The following EFL1 variants were observed in gnomAD, a reference collection of about 807,000 sequenced individuals.
The protein encoded by EFL1 is elongation factor like GTPase 1.
EFL1 carries 76 observed loss-of-function variants against 126.7 expected under a neutral mutation model. That is an observed-to-expected ratio of 0.60 (90% CI 0.50 to 0.73). EFL1 has a LOEUF of 0.73. EFL1 is among the 30% of genes least tolerant of loss of function. The pLI is 0.00. For missense variants in EFL1, 1,128 were observed against 1,343.2 expected (o/e 0.84, Z 2.50); for synonymous variants, 410 against 448.4 (o/e 0.91, Z 1.08).
At chr15:82,218,637 A>G (rs1382084596) in intron 14 of EFL1, among the ~76,000 whole-genome samples, 2 of 152,210 alleles carry the variant, frequency 1.3e-5, no homozygotes, top group Non-Finnish European at 2.9e-5. Flanking sequence ...TAGATGTATA[A>G]AAAATCATAG....
At chr15:82,140,965 TGTTCC>T (rs1269680728) in intron 18 of EFL1, among the ~76,000 whole-genome samples, 4 of 152,216 alleles carry the variant, frequency 2.6e-5, no homozygotes, top group Non-Finnish European at 5.9e-5. Flanking sequence ...GTCCCAAATA[TGTTCC>T]CCTGAAGTTT....
intron 15 of EFL1, among the ~76,000 whole-genome samples, chr15:82,171,531 G>T (rs184448873): frequency 6.6e-6 from 1 of 152,104 alleles, no homozygotes. Flanking sequence ...TTGCATCTGC[G>T]TCATACCATC....
chr15:82,190,944 T>C (rs1183337840), intron 15 of EFL1, among the ~76,000 whole-genome samples: 2 of 152,120 alleles, frequency 1.3e-5, no homozygotes, highest in African/African-American at 4.8e-5. Context: ...CACCAAAATA[T>C]ATATACTGTG....
At chr15:82,239,401 G>A (rs1163939302) in intron 6 of EFL1, among the ~76,000 whole-genome samples, 7 of 152,278 alleles carry the variant, frequency 4.6e-5, no homozygotes, top group South Asian at 4.1e-4. Flanking sequence ...CTCCCAAAGC[G>A]CTGGGATTAC....
chr15:82,185,888 T>A (rs1188857919), intron 15 of EFL1, among the ~76,000 whole-genome samples: 2 of 152,192 alleles, frequency 1.3e-5, no homozygotes, highest in Non-Finnish European at 2.9e-5. Context: ...TCTTAAAATT[T>A]AAAATCTCTA....
intron 4 of EFL1, among the ~76,000 whole-genome samples, chr15:82,246,307 G>T (rs767278960): frequency 4.0e-4 from 61 of 152,054 alleles, no homozygotes; most frequent in Non-Finnish European, 7.6e-4. Context: ...GCTTGGAAGG[G>T]TGTAAGAACC....
At chr15:82,145,337 T>C (rs1461336502) in intron 18 of EFL1, among the ~76,000 whole-genome samples, 5 of 150,790 alleles carry the variant, frequency 3.3e-5, no homozygotes, top group African/African-American at 7.3e-5. Flanking sequence ...CAGGGACACT[T>C]ATAAAGAATG....
At chr15:82,194,309 T>C (rs181093217) in intron 15 of EFL1, among the ~76,000 whole-genome samples, 3 of 152,330 alleles carry the variant, frequency 2.0e-5, no homozygotes, top group Non-Finnish European at 2.9e-5. Context: ...CTTGAGTATT[T>C]TGTGCAAAGC....
At chr15:82,251,049 T>C (rs1957440842) in intron 4 of EFL1, among the ~76,000 whole-genome samples, 2 of 151,938 alleles carry the variant, frequency 1.3e-5, no homozygotes, top group Non-Finnish European at 1.5e-5. Context: ...CCGCCTCTAC[T>C]AAAAATACAA....
chr15:82,251,047 A>G (rs974064284), intron 4 of EFL1, among the ~76,000 whole-genome samples: 7 of 152,056 alleles, frequency 4.6e-5, no homozygotes, highest in Admixed American at 3.3e-4. Context: ...CCCCGCCTCT[A>G]CTAAAAATAC....
intron 17 of EFL1, among the ~76,000 whole-genome samples, chr15:82,155,319 T>C (rs1215409040): frequency 1.3e-5 from 2 of 152,006 alleles, no homozygotes; most frequent in Non-Finnish European, 2.9e-5. Context: ...CTGGCCAAGA[T>C]GGTGAAACAC....
At chr15:82,182,014 C>G (rs1188079767) in intron 15 of EFL1, among the ~76,000 whole-genome samples, 2 of 152,144 alleles carry the variant, frequency 1.3e-5, no homozygotes, top group Non-Finnish European at 2.9e-5. Flanking sequence ...AATCCCAGCA[C>G]TTACGGAGGC....
intron 3 of EFL1, among the ~76,000 whole-genome samples, chr15:82,258,106 C>T (rs1183277784): frequency 6.6e-6 from 1 of 152,198 alleles, no homozygotes; most frequent in Non-Finnish European, 1.5e-5. Context: ...TCCGTCTCCT[C>T]TTCTCTCTAT....
At chr15:82,197,530 G>T (rs1340958979) in intron 15 of EFL1, among the ~76,000 whole-genome samples, 1 of 152,108 alleles carries the variant, frequency 6.6e-6, no homozygotes, top group East Asian at 1.9e-4. Context: ...GGGGGTTCAG[G>T]ATATTAGTGA....
At chr15:82,207,905 G>A (rs2074543274) in intron 15 of EFL1, among the ~76,000 whole-genome samples, 2 of 151,976 alleles carry the variant, frequency 1.3e-5, no homozygotes, top group Admixed American at 1.3e-4. Context: ...ATTTCCAGTA[G>A]AGATGGGGTT....
chr15:82,213,429 A>G (rs1455218369), intron 15 of EFL1, among the ~76,000 whole-genome samples: 1 of 152,224 alleles, frequency 6.6e-6, no homozygotes, highest in Non-Finnish European at 1.5e-5. Context: ...GAGAAATGGT[A>G]TCTCTCCTTA....
chr15:82,230,730 C>T lies in EFL1; in HGVS notation c.855+118G>A, dbSNP rs866742464. 7 of 1,220,682 alleles carry T rather than the reference C, an allele frequency of 5.7e-6. No individual in the cohort carries two copies. In the Middle Eastern group the frequency reaches 8.7e-4, roughly 151 times the overall value. 75.6% of individuals were successfully genotyped at this position (1,220,682 alleles called of 1,614,324 possible). On this transcript the variant is annotated intron_variant, in intron 8 of 19. Coordinates refer to ENST00000268206, the MANE Select transcript of EFL1 (RefSeq NM_024580.6). ...TCCCAATTATATACAGTAAAAAATCCCTCATGAACTCACCTGCATAAATTA... is the reference window on the plus strand; with the variant it reads ...TCCCAATTATATACAGTAAAAAATCTCTCATGAACTCACCTGCATAAATTA...
At chr15:82,133,534 T>C (rs1437838017) in intron 19 of EFL1, among the ~76,000 whole-genome samples, 1 of 152,194 alleles carries the variant, frequency 6.6e-6, no homozygotes, top group Non-Finnish European at 1.5e-5. Context: ...ACAAGTGCTA[T>C]GGGTGTATCA....
chr15:82,245,806 A>G (rs2074967198), intron 4 of EFL1, among the ~76,000 whole-genome samples: 1 of 151,852 alleles, frequency 6.6e-6, no homozygotes, highest in Non-Finnish European at 1.5e-5. Flanking sequence ...ATGGTGGCAC[A>G]TGCCTGCAGT....
Sources: gnomAD v4.1 joint callset for allele counts (sites outside exome capture counted in the v4.1 genomes callset) on GRCh38, gnomAD v4.1.1 for gene constraint, MANE v1.5 for transcripts, NCBI Gene and HGNC (gene_info 2026-07-23, HGNC 2026-07-21) for gene names.